The following NAV3 variants were observed in gnomAD, a reference collection of about 807,000 sequenced individuals.
NAV3 encodes the protein pore membrane and/or filament interacting like protein 1.
In NAV3, 87 loss-of-function variants were observed where a neutral mutation model predicts 244.7. That is an observed-to-expected ratio of 0.36 (90% CI 0.30 to 0.42). The LOEUF (loss-of-function observed/expected upper bound fraction) is 0.42. Among genes scored for constraint, NAV3 ranks in the 20% least tolerant of loss-of-function variants. The probability of loss-of-function intolerance (pLI) is 1.00; values close to 1 mark genes in which losing one functional copy is unlikely to be tolerated. For synonymous variants in NAV3, 1,126 were observed against 1,042.2 expected, an observed-to-expected ratio of 1.08 and a Z score of -1.55; for missense variants, 2,663 against 2,893.3, an observed-to-expected ratio of 0.92 and a Z score of 1.83.
intron 2 of NAV3, among the ~76,000 whole-genome samples, chr12:77,701,728 G>A (rs1222083150): frequency 4.6e-5 from 7 of 151,812 alleles, no homozygotes; most frequent in East Asian, 3.9e-4. Flanking sequence ...TTGTAATTTC[G>A]TCTTTGACTC....
At position 77,679,724 on chromosome 12, in the gene NAV3, C is replaced by T. The variant is rs550347950; in HGVS notation, c.72+107458C>T. Among the ~76,000 whole-genome samples the T allele has an allele frequency of 2.6e-5, 4 of 152,080 alleles. No individual in the cohort carries two copies. The East Asian group carries it at 5.8e-4, about 22-fold the overall frequency. Reference sequence around the variant, plus strand: ...AATTGAGAAACAGCAGCCTGAGAGGCGAGAAGTAGTGGGAAAAGACAGCGT... The same window carrying T: ...AATTGAGAAACAGCAGCCTGAGAGGTGAGAAGTAGTGGGAAAAGACAGCGT... On this transcript the variant is annotated intron_variant, in intron 2 of 8. Transcript: ENST00000550042.
intron 1 of NAV3, among the ~76,000 whole-genome samples, chr12:77,899,749 T>A (rs1398856413): frequency 6.6e-6 from 1 of 152,232 alleles, no homozygotes; most frequent in Non-Finnish European, 1.5e-5. Context: ...GTCCGGAATT[T>A]AAAAGTTTGT....
intron 2 of NAV3, among the ~76,000 whole-genome samples, chr12:77,730,177 A>G (rs192891090): frequency 6.6e-6 from 1 of 152,140 alleles, no homozygotes; most frequent in Admixed American, 6.6e-5. Flanking sequence ...AATTCCTTTA[A>G]TGTAAGACAA....
intron 12 of NAV3, among the ~76,000 whole-genome samples, chr12:78,061,378 GA>G (rs997860984): frequency 3.3e-5 from 5 of 152,138 alleles, no homozygotes; most frequent in African/African-American, 1.2e-4. Context: ...AGAATACACT[GA>G]TGGCACTAAT....
rs561264932 is a variant in NAV3 at position 77,773,453 on chromosome 12, C to T, written c.73-166866C>T. The stretch of plus-strand genomic sequence containing the variant: ...CTGCAAATGATTTGCCGGTATTTAC[C>T]GAGTACTTACTAAATGGTAGGAACA... On this transcript the variant is annotated intron_variant, in intron 2 of 8. Transcript: ENST00000550042. Among the ~76,000 whole-genome samples, 30 of 152,176 alleles carry T rather than the reference C, an allele frequency of 2.0e-4. No individual in the cohort carries two copies. The East Asian group carries it at 4.8e-3, about 24-fold the overall frequency.
intron 2 of NAV3, chr12:77,783,369 A>G (rs1303360881): frequency 6.6e-6 from 1 of 152,100 alleles, no homozygotes; most frequent in Non-Finnish European, 1.5e-5. Context: ...TGGCAGCCAC[A>G]TTCTCTTCCC....
At chr12:77,924,597 A>T (rs1888015065) in intron 1 of NAV3, among the ~76,000 whole-genome samples, 1 of 152,150 alleles carries the variant, frequency 6.6e-6, no homozygotes, top group African/African-American at 2.4e-5. Flanking sequence ...TTCAACATAG[A>T]TATCTAAAGT....
intron 12 of NAV3, among the ~76,000 whole-genome samples, chr12:78,064,570 T>G (rs951620073): frequency 6.6e-6 from 1 of 152,048 alleles, no homozygotes; most frequent in African/African-American, 2.4e-5. Flanking sequence ...TAACCTGAAT[T>G]ACCTCTGTAA....
chr12:77,671,902 AATAG>A (rs200539784), intron 2 of NAV3, among the ~76,000 whole-genome samples: 3,286 of 152,272 alleles, frequency 0.022, 51 homozygotes, highest in Middle Eastern at 0.041. Flanking sequence ...AACAAAGATA[AATAG>A]ATAGAACTTA....
At chr12:78,207,198 T>A (rs1960421160) in intron 39 of NAV3, among the ~76,000 whole-genome samples, 1 of 152,116 alleles carries the variant, frequency 6.6e-6, no homozygotes, top group South Asian at 2.1e-4. Context: ...TCAAGAAACA[T>A]CCACTATTTA....
intron 2 of NAV3, among the ~76,000 whole-genome samples, chr12:77,608,678 C>T (rs1287666207): frequency 6.6e-6 from 1 of 152,030 alleles, no homozygotes; most frequent in Non-Finnish European, 1.5e-5. Flanking sequence ...TGCATAGATC[C>T]AAGGATTTTA....
chr12:78,059,514 CTT>C (rs961395275), intron 12 of NAV3, among the ~76,000 whole-genome samples: 2 of 152,074 alleles, frequency 1.3e-5, no homozygotes, highest in African/African-American at 4.8e-5. Flanking sequence ...GTCTCCATCT[CTT>C]GACCTTGTGA....
At chr12:78,055,227 CATAT>C (rs1883310717) in intron 11 of NAV3, among the ~76,000 whole-genome samples, 1 of 612 alleles carries the variant, frequency 1.6e-3, no homozygotes, top group African/African-American at 2.6e-3. Flanking sequence ...AATATGCACA[CATAT>C]GTGTATATAT....
At chr12:78,114,203 T>G (rs1360046733) in intron 12 of NAV3, among the ~76,000 whole-genome samples, 1 of 152,192 alleles carries the variant, frequency 6.6e-6, no homozygotes. Context: ...TCAACAAGTC[T>G]CTAGGAAGTT....
intron 1 of NAV3, among the ~76,000 whole-genome samples, chr12:77,904,394 A>C (rs977934635): frequency 6.6e-6 from 1 of 152,162 alleles, no homozygotes; most frequent in African/African-American, 2.4e-5. Context: ...TATCGCAAGG[A>C]CAAAAAACCA....
intron 2 of NAV3, among the ~76,000 whole-genome samples, chr12:77,673,657 A>T (rs1874086188): frequency 6.6e-6 from 1 of 152,176 alleles, no homozygotes; most frequent in South Asian, 2.1e-4. Context: ...GGTGTTTGAT[A>T]TCAAACCTTT....
chr12:78,036,070 G>C (rs1373989661), intron 9 of NAV3, among the ~76,000 whole-genome samples: 1 of 152,070 alleles, frequency 6.6e-6, no homozygotes, highest in East Asian at 1.9e-4. Context: ...TTTGAGATTG[G>C]GTGGCTGAGA....
At chr12:77,920,594 A>C (rs1043438749) in intron 1 of NAV3, among the ~76,000 whole-genome samples, 4 of 152,038 alleles carry the variant, frequency 2.6e-5, no homozygotes, top group African/African-American at 7.2e-5. Flanking sequence ...CTAAATATAT[A>C]TTTTGAAAAT....
At chr12:78,060,509 T>C (rs1465554788) in intron 12 of NAV3, among the ~76,000 whole-genome samples, 1 of 152,088 alleles carries the variant, frequency 6.6e-6, no homozygotes, top group African/African-American at 2.4e-5. Context: ...CCACCTGTAA[T>C]GTAAGTCCAT....
Sources: gnomAD v4.1 joint callset for allele counts (sites outside exome capture counted in the v4.1 genomes callset) on GRCh38, gnomAD v4.1.1 for gene constraint, MANE v1.5 for transcripts, NCBI Gene and HGNC (gene_info 2026-07-23, HGNC 2026-07-21) for gene names.